The following DTWD2 variants were observed in gnomAD, a reference collection of about 807,000 sequenced individuals.
DTWD2 encodes the protein DTW motif tRNA-uridine aminocarboxypropyltransferase 2, also known as tRNA-uridine aminocarboxypropyltransferase 2.
In DTWD2, 39 loss-of-function variants were observed where a neutral mutation model predicts 31.8. The observed-to-expected ratio is 1.22, with a 90% CI of 0.95 to 1.60. DTWD2 has a LOEUF of 1.60. Ranked by LOEUF, DTWD2 falls within the 40% of genes most tolerant of loss-of-function variation. The pLI, the probability that DTWD2 is intolerant of heterozygous loss-of-function variation, is 0.00. For missense variants in DTWD2, 515 were observed against 381.5 expected (o/e 1.35, Z -2.92); for synonymous variants, 180 against 142.8 (o/e 1.26, Z -1.86).
At chr5:118,934,443 A>G (rs188830240) in intron 3 of DTWD2, among the ~76,000 whole-genome samples, 2 of 151,962 alleles carry the variant, frequency 1.3e-5, no homozygotes, top group African/African-American at 4.8e-5. Flanking sequence ...AAATAGAAGG[A>G]GATTGCATGG....
chr5:118,836,257 T>C lies in DTWD2; in HGVS notation c.*4660A>G, dbSNP rs572364108. ...TATTTTTATTTATTTATTTATTTAT[T>C]TGAGACACTGTCTCACTCTGTCGCC... On this transcript the variant is annotated 3_prime_UTR_variant, in exon 6 of 6. Coordinates refer to ENST00000510708, the MANE Select transcript of DTWD2 (RefSeq NM_173666.4). Among the ~76,000 whole-genome samples the C allele has an allele frequency of 6.6e-6, 1 of 152,186 alleles. No homozygotes were observed. Among genetic ancestry groups the C allele is most frequent in the Non-Finnish European group, 1.5e-5 (1 of 68,036 alleles).
intron 4 of DTWD2, among the ~76,000 whole-genome samples, chr5:118,919,860 TTTCACAC>T (rs1753662510): frequency 6.6e-6 from 1 of 152,238 alleles, no homozygotes; most frequent in South Asian, 2.1e-4. Flanking sequence ...AACAGTGGCG[TTTCACAC>T]TTCAAATAAA....
In DTWD2 at chr5:118,871,116, T is replaced by G. The variant is rs556207033; in HGVS notation, c.598-22898A>C. 1.8e-3 allele frequency among the ~76,000 whole-genome samples: 267 copies of G among 152,318 alleles called. 1 individual carries two copies. Among genetic ancestry groups the G allele is most frequent in the African/African-American group, 6.3e-3 (260 of 41,574 alleles). On this transcript the variant is annotated intron_variant, in intron 4 of 5. Transcript: ENST00000510708. ...ATTCCATCTCAAGAAACTATGTTCT[T>G]TGCTCATTCATAAGAAGCAAATCCT...
chr5:118,843,527 G>A (rs369769885), intron 5 of DTWD2, among the ~76,000 whole-genome samples: 11 of 152,196 alleles, frequency 7.2e-5, no homozygotes, highest in East Asian at 3.9e-4. Context: ...ATGACTTTAC[G>A]TACTTTACAG....
At chr5:118,896,505 C>T (rs1184089999) in intron 4 of DTWD2, among the ~76,000 whole-genome samples, 8 of 150,036 alleles carry the variant, frequency 5.3e-5, no homozygotes, top group African/African-American at 1.7e-4. Flanking sequence ...ACATAAGAGC[C>T]AAAAAAAGAT....
chr5:118,987,997 C>T (rs961963958), intron 1 of DTWD2: 4 of 674,114 alleles, frequency 5.9e-6, no homozygotes, highest in African/African-American at 1.8e-5. Flanking sequence ...TTACTGTCAT[C>T]ACCCCTTACT....
chr5:118,873,600 C>T lies in DTWD2; in HGVS notation c.598-25382G>A, dbSNP rs78891860. ...ATGGTGAGTTTTGCTTTACTTGCAC[C>T]ACCCACATGTGAGAATGCAGGATGC... On this transcript the variant is annotated intron_variant, in intron 4 of 5. Coordinates refer to ENST00000510708, the MANE Select transcript of DTWD2 (RefSeq NM_173666.4). Among the ~76,000 whole-genome samples the T allele has an allele frequency of 6.4e-3, 971 of 152,300 alleles. 19 individuals are homozygous for T. The highest frequency in any genetic ancestry group is 0.022 in the African/African-American group (921 of 41,566).
At chr5:118,918,869 C>A (rs1580805975) in intron 4 of DTWD2, among the ~76,000 whole-genome samples, 5 of 151,916 alleles carry the variant, frequency 3.3e-5, no homozygotes, top group African/African-American at 9.7e-5. Context: ...CTCACAACCA[C>A]TGGAAAACCT....
intron 1 of DTWD2, among the ~76,000 whole-genome samples, chr5:118,957,242 G>T (rs1754607411): frequency 6.6e-6 from 1 of 151,160 alleles, no homozygotes; most frequent in African/African-American, 2.4e-5. Flanking sequence ...TTTTTTCTGA[G>T]ACATAGTCTT....
At chr5:118,920,703 T>C (rs1753683923) in intron 4 of DTWD2, among the ~76,000 whole-genome samples, 1 of 152,212 alleles carries the variant, frequency 6.6e-6, no homozygotes, top group Non-Finnish European at 1.5e-5. Flanking sequence ...AACATGATGA[T>C]AGATTTTGTG....
At chr5:118,885,634 A>G (rs1171793867) in intron 4 of DTWD2, among the ~76,000 whole-genome samples, 29 of 151,098 alleles carry the variant, frequency 1.9e-4, no homozygotes. Context: ...GCGTGGTGGC[A>G]TGCACCTGTA....
chr5:118,885,494 AGTGGCTCACACCT>A lies in DTWD2; in HGVS notation c.598-37289_598-37277del, dbSNP rs1470144239. The stretch of plus-strand genomic sequence containing the variant: ...AAAAAAAAAAAAATTGGCCAGGCGC[AGTGGCTCACACCT>A]GTAATCCCAGCACTTTGGGAGGCCG... On this transcript the variant is annotated intron_variant, in intron 4 of 5. Transcript: ENST00000510708. Among the ~76,000 whole-genome samples the A allele has an allele frequency of 1.3e-3, 199 of 147,818 alleles. 1 individual carries two copies. The highest frequency in any genetic ancestry group is 4.9e-3 in the African/African-American group (197 of 40,168).
chr5:118,973,685 T>TTG (rs1403690212), intron 1 of DTWD2: 4 of 1,308,860 alleles, frequency 3.1e-6, no homozygotes, highest in African/African-American at 2.9e-5. Flanking sequence ...CGCAGCCGCC[T>TTG]CCGCCACGCG....
chr5:118,950,391 C>T (rs1440638621), intron 1 of DTWD2, among the ~76,000 whole-genome samples: 2 of 151,984 alleles, frequency 1.3e-5, no homozygotes, highest in African/African-American at 2.4e-5. Context: ...AAGAAGGGGA[C>T]GGCCTTACCC....
intron 5 of DTWD2, 84 bp from the exon 6 acceptor site, chr5:118,841,171 T>G: frequency 1.4e-6 from 2 of 1,465,236 alleles, no homozygotes; most frequent in Non-Finnish European, 1.8e-6. Flanking sequence ...AAATAGGAGT[T>G]ACTATGTTTC....
chr5:118,899,032 A>T (rs1753146024), intron 4 of DTWD2, among the ~76,000 whole-genome samples: 4 of 152,224 alleles, frequency 2.6e-5, no homozygotes, highest in Admixed American at 2.6e-4. Context: ...ACACATTCCC[A>T]GCTGAGGTAG....
At chr5:118,864,374 C>G (rs1338171664) in intron 4 of DTWD2, among the ~76,000 whole-genome samples, 1 of 149,272 alleles carries the variant, frequency 6.7e-6, no homozygotes, top group Admixed American at 6.7e-5. Flanking sequence ...ACTCTGGGGA[C>G]TGTTGTGGGG....
chr5:118,921,742 T>C (rs747962481), intron 4 of DTWD2, among the ~76,000 whole-genome samples: 1 of 152,184 alleles, frequency 6.6e-6, no homozygotes, highest in African/African-American at 2.4e-5. Flanking sequence ...GTAAGTAGAA[T>C]AGCCTATTCA....
chr5:118,971,436 A>G (rs183099678), intron 1 of DTWD2, among the ~76,000 whole-genome samples: 2 of 152,360 alleles, frequency 1.3e-5, no homozygotes, highest in Admixed American at 1.3e-4. Flanking sequence ...AGAGCTAACT[A>G]TCCTAAATAT....
Sources: gnomAD v4.1 joint callset for allele counts (sites outside exome capture counted in the v4.1 genomes callset) on GRCh38, gnomAD v4.1.1 for gene constraint, MANE v1.5 for transcripts, NCBI Gene and HGNC (gene_info 2026-07-23, HGNC 2026-07-21) for gene names.